GPR155: variants seen among roughly 807,000 people sequenced by gnomAD.
The protein encoded by GPR155 is G protein-coupled receptor 155.
In GPR155, 65 loss-of-function variants were observed where a neutral mutation model predicts 93.1. That is an observed-to-expected ratio of 0.70 (90% CI 0.57 to 0.86). GPR155 has a LOEUF of 0.86. Among genes scored for constraint, GPR155 ranks in the 40% least tolerant of loss-of-function variants. The pLI is 0.00. For missense variants in GPR155, 838 were observed against 1,034.8 expected (o/e 0.81, Z 2.61); for synonymous variants, 319 against 360.1 (o/e 0.89, Z 1.29).
In GPR155 at chr2:174,481,482, T is replaced by A; in HGVS notation, c.460+15A>T. 1 of 1,434,872 alleles carries A rather than the reference T, an allele frequency of 7.0e-7. No homozygotes were observed. Among genetic ancestry groups the A allele is most frequent in the Non-Finnish European group, 9.5e-7 (1 of 1,053,912 alleles). The allele number at this position is 1,434,872 out of a possible 1,614,324, so 88.9% of individuals were successfully genotyped here. ...TTGAATTTTTTAAACACTTGAAAAA[T>A]AAAAATTAACTTACCTATAGGGTAT... On this transcript the variant is annotated intron_variant, in intron 2 of 15. Transcript: ENST00000392552.
intron 1 of GPR155, among the ~76,000 whole-genome samples, chr2:174,483,555 TTGAA>T (rs1688390301): frequency 6.6e-6 from 1 of 152,170 alleles, no homozygotes; most frequent in Non-Finnish European, 1.5e-5. Context: ...TATTAGTATC[TTGAA>T]ATTAAAATGA....
chr2:174,471,843 C>T (rs1370809934), intron 3 of GPR155, among the ~76,000 whole-genome samples: 4 of 152,140 alleles, frequency 2.6e-5, no homozygotes, highest in African/African-American at 9.7e-5. Context: ...TTAAACTATA[C>T]TTATTACTTC....
chr2:174,473,091 A>G lies in GPR155; in HGVS notation c.734T>C (p.Leu245Pro). The G allele has an allele frequency of 6.2e-7, 1 of 1,601,628 alleles. No individual in the cohort carries two copies. The highest frequency in any genetic ancestry group is 8.5e-7 in the Non-Finnish European group (1 of 1,177,328). Residue 245 changes from leucine (L) to proline (P), a missense_variant, in exon 3 of 16, where the codon CTT (leucine) becomes CCT (proline). Coordinates refer to ENST00000392552, the MANE Select transcript of GPR155 (RefSeq NM_152529.7). ...AGAAAAAGAATTTCCAAGTCCATCA[A>G]GAAAATTTTCGACATATACAGGTAC... Reference protein sequence around the residue: ...RKVPVYVENFLDGLGNSFSGS... With the variant: ...RKVPVYVENFPDGLGNSFSGS...
intron 1 of GPR155, among the ~76,000 whole-genome samples, chr2:174,484,267 G>A (rs1020175045): frequency 2.6e-5 from 4 of 152,176 alleles, no homozygotes; most frequent in East Asian, 1.9e-4. Context: ...GAAAGCTACC[G>A]GTTGGTACAG....
At chr2:174,479,216 C>T (rs1200339667) in intron 2 of GPR155, among the ~76,000 whole-genome samples, 1 of 152,164 alleles carries the variant, frequency 6.6e-6, no homozygotes, top group Non-Finnish European at 1.5e-5. Flanking sequence ...TGGCTGATTA[C>T]ATTTTTTATT....
At chr2:174,456,153 A>C (rs1214148383) in intron 10 of GPR155, among the ~76,000 whole-genome samples, 1 of 151,942 alleles carries the variant, frequency 6.6e-6, no homozygotes, top group African/African-American at 2.4e-5. Context: ...AGATATAAAT[A>C]ATATATGTGT....
intron 2 of GPR155, among the ~76,000 whole-genome samples, chr2:174,474,396 A>G (rs1024866285): frequency 6.6e-6 from 1 of 152,210 alleles, no homozygotes; most frequent in African/African-American, 2.4e-5. Flanking sequence ...TAAGGAGTAG[A>G]GATAGAAAGG....
At chr2:174,475,294 CAAAAAAAAAAAAAA>C (rs71024809) in intron 2 of GPR155, among the ~76,000 whole-genome samples, 14 of 64,314 alleles carry the variant, frequency 2.2e-4, no homozygotes, top group African/African-American at 7.9e-4. Context: ...GACTCCGTCT[CAAAAAAAAAAAAAA>C]AAAAAAAAAA....
At chr2:174,477,664 A>C (rs578208282) in intron 2 of GPR155, among the ~76,000 whole-genome samples, 1 of 152,300 alleles carries the variant, frequency 6.6e-6, no homozygotes, top group Non-Finnish European at 1.5e-5. Flanking sequence ...TTTTGCTATC[A>C]ATCTGAAGAT....
chr2:174,461,379 A>G, intron 9 of GPR155, 23 bp downstream of exon 9: 1 of 1,431,154 alleles, frequency 7.0e-7, no homozygotes, highest in Non-Finnish European at 9.9e-7. Flanking sequence ...TCAAGAACAG[A>G]ACTGCCAGTA....
chr2:174,478,708 A>G (rs1450933864), intron 2 of GPR155, among the ~76,000 whole-genome samples: 1 of 152,100 alleles, frequency 6.6e-6, no homozygotes, highest in Non-Finnish European at 1.5e-5. Flanking sequence ...TAAATTGGAC[A>G]GATGTGGAAC....
At chr2:174,442,093 CAG>C in intron 14 of GPR155, 24 bp downstream of exon 14, 1 of 1,087,608 alleles carries the variant, frequency 9.2e-7, no homozygotes, top group Non-Finnish European at 1.4e-6. Flanking sequence ...TTTACAGATA[CAG>C]ATTTATTTCA....
At position 174,445,045 on chromosome 2, in the gene GPR155, G is replaced by C. The variant is rs748602104; in HGVS notation, c.2109+36C>G. On this transcript the variant is annotated intron_variant, in intron 13 of 15. Transcript: ENST00000392552. ...CCCTACCAATCAACCTATCCAGGAA[G>C]ACAAAAACCCCTCAAAGTTCTCCAT... The C allele has an allele frequency of 3.9e-6, 4 of 1,038,230 alleles. No individual in the cohort carries two copies. In the South Asian group the frequency reaches 5.1e-5, roughly 13 times the overall value. The allele number at this position is 1,038,230 out of a possible 1,614,324, so 64.3% of individuals were successfully genotyped here.
intron 2 of GPR155, among the ~76,000 whole-genome samples, chr2:174,480,096 C>A (rs769760440): frequency 3.9e-5 from 6 of 152,164 alleles, no homozygotes; most frequent in Non-Finnish European, 8.8e-5. Flanking sequence ...AAGGATAAAA[C>A]TGCTAGGTAA....
intron 15 of GPR155, among the ~76,000 whole-genome samples, chr2:174,438,928 C>G (rs533663301): frequency 9.5e-4 from 144 of 152,300 alleles, no homozygotes; most frequent in African/African-American, 3.3e-3. Flanking sequence ...TGGGCTATGC[C>G]TATCACAGAC....
rs183868317 is a variant in GPR155 at position 174,457,298 on chromosome 2, A to G, written c.1771+2580T>C. 2.1e-4 allele frequency among the ~76,000 whole-genome samples: 32 copies of G among 152,270 alleles called. No individual in the cohort carries two copies. The East Asian group carries it at 5.4e-3, about 26-fold the overall frequency. On this transcript the variant is annotated intron_variant, in intron 10 of 15. Transcript: ENST00000392552. ...CTGCGCTCCAGCCTGAGAGACAGAG[A>G]AAGACTTTGTTTCAAAAGAAGAGAA...
rs1278137617 is a variant in GPR155, at chr2:174,459,909, T to C, written c.1740A>G (p.Pro580=). The C allele has an allele frequency of 1.2e-6, 2 of 1,613,604 alleles. No homozygotes were observed. Among genetic ancestry groups the C allele is most frequent in the Non-Finnish European group, 1.7e-6 (2 of 1,179,534 alleles). ...FEESPAPVNE[P]ELFTSSIPET... ...CTGGAATAGAGCTTGTAAAAAGTTC[T>C]GGTTCATTTACTGGTGCTGGACTCT... The change falls in exon 10 of 16, where the codon CCA becomes CCG. Residue 580 remains proline (P), a synonymous_variant. Coordinates refer to ENST00000392552, the MANE Select transcript of GPR155 (RefSeq NM_152529.7).
intron 15 of GPR155, among the ~76,000 whole-genome samples, chr2:174,437,650 T>C (rs949119729): frequency 6.8e-6 from 1 of 146,960 alleles, no homozygotes; most frequent in Admixed American, 6.9e-5. Context: ...TGGCACGATC[T>C]CAGCTTACCC....
At chr2:174,478,781 G>A (rs1156494131) in intron 2 of GPR155, among the ~76,000 whole-genome samples, 1 of 151,998 alleles carries the variant, frequency 6.6e-6, no homozygotes, top group Admixed American at 6.6e-5. Context: ...GTGAGCAAGA[G>A]AGTGGGAATT....
Sources: gnomAD v4.1 joint callset for allele counts (sites outside exome capture counted in the v4.1 genomes callset) on GRCh38, gnomAD v4.1.1 for gene constraint, MANE v1.5 for transcripts, NCBI Gene and HGNC (gene_info 2026-07-23, HGNC 2026-07-21) for gene names.